VPS53: variants seen among roughly 807,000 people sequenced by gnomAD.
VPS53 encodes vacuolar protein sorting-associated protein 53 homolog.
In VPS53, 70 loss-of-function variants were observed where a neutral mutation model predicts 107.0. The ratio of observed to expected loss-of-function variants is 0.65; its 90% CI spans 0.54 to 0.80. The LOEUF (loss-of-function observed/expected upper bound fraction) is 0.80. Among genes scored for constraint, VPS53 ranks in the 30% least tolerant of loss-of-function variants. The probability of loss-of-function intolerance (pLI) is 0.00; values close to 1 mark genes in which losing one functional copy is unlikely to be tolerated. For missense variants in VPS53, 917 were observed against 1,049.4 expected (o/e 0.87, Z 1.74); for synonymous variants, 409 against 393.3 (o/e 1.04, Z -0.47).
At chr17:543,761 C>CT in intron 17 of VPS53, among the ~76,000 whole-genome samples, 1 of 133,332 alleles carries the variant, frequency 7.5e-6, no homozygotes, top group Non-Finnish European at 1.5e-5. Flanking sequence ...AGTTATATGG[C>CT]TTTGGGCATA....
intron 1 of VPS53, among the ~76,000 whole-genome samples, chr17:712,426 G>A (rs1319099955): frequency 6.6e-6 from 1 of 151,618 alleles, no homozygotes; most frequent in East Asian, 1.9e-4. Flanking sequence ...TGATCCACCC[G>A]CCCTGGCCTC....
At chr17:521,815 GT>G (rs1908780157) in intron 19 of VPS53, 77 bp from the exon 20 acceptor site, 1 of 1,355,414 alleles carries the variant, frequency 7.4e-7, no homozygotes, top group Non-Finnish European at 9.6e-7. Flanking sequence ...GATGAGTCAT[GT>G]TTTTCTCGTT....
chr17:623,430 T>G, intron 11 of VPS53, 103 bp downstream of exon 11: 1 of 1,387,466 alleles, frequency 7.2e-7, no homozygotes, highest in East Asian at 2.3e-5. Context: ...AATGAGGGGT[T>G]AAGCACCGAA....
intron 17 of VPS53, 83 bp from the exon 18 acceptor site, chr17:537,259 G>T: frequency 6.8e-7 from 1 of 1,480,072 alleles, no homozygotes; most frequent in Non-Finnish European, 9.2e-7. Context: ...GGGCTGGAGT[G>T]GAAGTCAGGT....
chr17:572,405 G>A (rs1914231037), intron 13 of VPS53, among the ~76,000 whole-genome samples: 3 of 149,768 alleles, frequency 2.0e-5, no homozygotes, highest in African/African-American at 5.0e-5. Context: ...CCGTCCGGGA[G>A]GGAGGTGGGG....
In VPS53 at chr17:535,879, G is replaced by A. The variant is rs74585682; in HGVS notation, c.2015+1149C>T. Among the ~76,000 whole-genome samples, 1,510 of 152,236 alleles carry A rather than the reference G, an allele frequency of 9.9e-3. 25 individuals are homozygous for A. The highest frequency in any genetic ancestry group is 0.035 in the African/African-American group (1,442 of 41,526). ...TTAGTCCTGAGGGGTTCATTTGTGA[G>A]GTACAGGGAAACTGGGAGAGATTGG... On this transcript the variant is annotated intron_variant, in intron 18 of 21. Coordinates refer to ENST00000437048, the MANE Select transcript of VPS53 (RefSeq NM_001128159.3).
intron 4 of VPS53, among the ~76,000 whole-genome samples, chr17:672,968 C>T (rs182500524): frequency 1.2e-4 from 18 of 152,002 alleles, no homozygotes; most frequent in African/African-American, 3.4e-4. Context: ...AAAAATTAAC[C>T]GGGCGTGGTG....
At chr17:602,931 G>T (rs1968394317) in intron 11 of VPS53, among the ~76,000 whole-genome samples, 1 of 152,194 alleles carries the variant, frequency 6.6e-6, no homozygotes, top group African/African-American at 2.4e-5. Context: ...GACGAGGGAA[G>T]GGGGCAAGGC....
At chr17:636,240 T>C (rs1211935951) in intron 7 of VPS53, among the ~76,000 whole-genome samples, 2 of 152,252 alleles carry the variant, frequency 1.3e-5, no homozygotes, top group African/African-American at 4.8e-5. Flanking sequence ...TGCATAAGAA[T>C]GCTTGTGATT....
intron 11 of VPS53, among the ~76,000 whole-genome samples, chr17:614,599 C>T (rs375377424): frequency 4.6e-5 from 7 of 152,154 alleles, no homozygotes; most frequent in East Asian, 1.9e-4. Flanking sequence ...CTGTCACTGT[C>T]GGAGACAGAT....
chr17:571,197 A>G (rs1054210490), intron 13 of VPS53, among the ~76,000 whole-genome samples: 25 of 124,326 alleles, frequency 2.0e-4, no homozygotes, highest in African/African-American at 7.5e-4. Flanking sequence ...CTGTAGTCTC[A>G]GTTACTCTAG....
intron 3 of VPS53, 41 bp downstream of exon 3, chr17:699,290 T>A: frequency 6.8e-7 from 1 of 1,462,304 alleles, no homozygotes; most frequent in Non-Finnish European, 9.1e-7. Context: ...ATTAACAATA[T>A]ACTTTTCATT....
rs561195651 is a variant in VPS53, at chr17:611,162, C to T, written c.1117-9266G>A. Among the ~76,000 whole-genome samples, 196 of 152,044 alleles carry T rather than the reference C, an allele frequency of 1.3e-3. 2 individuals are homozygous for T. Among genetic ancestry groups the T allele is most frequent in the African/African-American group, 4.4e-3 (183 of 41,468 alleles). ...CCGAGTAGCTGGGATTATAGGCACC[C>T]GCCACCACGCCTGGCTAAGTTTTGT... is the stretch of plus-strand genomic sequence containing the variant. On this transcript the variant is annotated intron_variant, in intron 11 of 21. Coordinates refer to ENST00000437048, the MANE Select transcript of VPS53 (RefSeq NM_001128159.3).
intron 2 of VPS53, among the ~76,000 whole-genome samples, chr17:704,794 C>T (rs890237417): frequency 6.6e-6 from 1 of 152,198 alleles, no homozygotes; most frequent in Non-Finnish European, 1.5e-5. Context: ...TACACACACA[C>T]CACAAGAGGT....
chr17:713,738 G>T (rs1973729625), intron 1 of VPS53, among the ~76,000 whole-genome samples: 1 of 151,208 alleles, frequency 6.6e-6, no homozygotes, highest in Non-Finnish European at 1.5e-5. Flanking sequence ...ACTTGCAAAG[G>T]CAAGAGTTCC....
intron 11 of VPS53, among the ~76,000 whole-genome samples, chr17:623,223 G>A (rs1411855830): frequency 6.6e-6 from 1 of 152,098 alleles, no homozygotes; most frequent in South Asian, 2.1e-4. Context: ...TCTGATAACT[G>A]ATAAAGAAAT....
At chr17:626,485 C>A (rs1016882088) in intron 10 of VPS53, among the ~76,000 whole-genome samples, 5 of 152,084 alleles carry the variant, frequency 3.3e-5, no homozygotes, top group Non-Finnish European at 5.9e-5. Flanking sequence ...ACCAGCCTGG[C>A]CAACGTGGTG....
chr17:602,625 C>T (rs535302714), intron 11 of VPS53, among the ~76,000 whole-genome samples: 92 of 152,290 alleles, frequency 6.0e-4, no homozygotes, highest in Non-Finnish European at 1.2e-3. Flanking sequence ...TAGCTCCAAC[C>T]GTGCGGCACT....
Position 510,302 on chromosome 17 carries a change from G to GT in VPS53, c.*8825_*8826insA, listed in dbSNP as rs567230219. 3 of 40,170 alleles carry GT rather than the reference G, an allele frequency of 7.5e-5. No homozygotes were observed. Among genetic ancestry groups the GT allele is most frequent in the Non-Finnish European group, 3.8e-5 (1 of 26,186 alleles). 2.5% of individuals were successfully genotyped at this position (40,170 alleles called of 1,614,324 possible). A position where few individuals can be genotyped will look rare whatever the true frequency, so the allele number is the denominator to read the frequency against. On this transcript the variant is annotated 3_prime_UTR_variant, in exon 22 of 22. Coordinates refer to ENST00000437048, the MANE Select transcript of VPS53 (RefSeq NM_001128159.3). ...CTAGTCACATATCAAATCCTGTCTCGCCCCTCACTAGTCACATATCAAATC... is the reference window on the plus strand; with the variant it reads ...CTAGTCACATATCAAATCCTGTCTCGTCCCCTCACTAGTCACATATCAAATC...
Sources: gnomAD v4.1 joint callset for allele counts (sites outside exome capture counted in the v4.1 genomes callset) on GRCh38, gnomAD v4.1.1 for gene constraint, MANE v1.5 for transcripts, NCBI Gene and HGNC (gene_info 2026-07-23, HGNC 2026-07-21) for gene names.